ADCY9: variants seen among roughly 807,000 people sequenced by gnomAD.
ADCY9 encodes the protein adenylate cyclase type 9.
A neutral mutation model predicts 101.5 loss-of-function variants in ADCY9; 50 were observed. That is an observed-to-expected ratio of 0.49 (90% CI 0.39 to 0.62). The LOEUF (loss-of-function observed/expected upper bound fraction) is 0.62, where lower values mean the gene tolerates loss of function less well. Among genes scored for constraint, ADCY9 ranks in the 20% least tolerant of loss-of-function variants. The pLI is 0.00. For synonymous variants in ADCY9, 905 were observed against 769.3 expected (o/e 1.18, Z -2.92); for missense variants, 1,662 against 1,800.4 (o/e 0.92, Z 1.39).
Position 3,966,100 on chromosome 16 carries a change from G to C in ADCY9, c.3737C>G (p.Thr1246Arg). 6.2e-7 allele frequency: 1 copy of C among 1,614,250 alleles called. No homozygotes were observed. Among genetic ancestry groups the C allele is most frequent in the South Asian group, 1.1e-5 (1 of 91,090 alleles). The change falls in exon 11 of 11, where the codon ACG becomes AGG. Residue 1246 changes from threonine (T) to arginine (R), a missense_variant. This residue lies in a region of ADCY9 where 168 missense variants were observed against 155.3 expected (regional missense o/e 1.08). Transcript: ENST00000294016. ...GTGCTGTGGGATGACCCTGTGATCC[G>C]TGCACTTTGGGTACAGGTAGGTCTT... ...QMKTYLYPKCTDHRVIPQHQL... is the reference protein window; with the variant it reads ...QMKTYLYPKCRDHRVIPQHQL...
At position 3,989,039 on chromosome 16, in the gene ADCY9, C is replaced by T; in HGVS notation, c.2265G>A (p.Leu755=). 1.2e-6 allele frequency: 2 copies of T among 1,614,120 alleles called. No homozygotes were observed. Among genetic ancestry groups the T allele is most frequent in the Non-Finnish European group, 1.7e-6 (2 of 1,179,990 alleles). ...PPINQFSLNF[L]DQELERSYRT... ...TGTAGGATCGCTCCAGCTCCTGATC[C>T]AGGAAGTTCAGGCTGAACTGATTAA... The change falls in exon 6 of 11, where the codon CTG becomes CTA. Residue 755 remains leucine (L), a synonymous_variant. Transcript: ENST00000294016.
intron 6 of ADCY9, among the ~76,000 whole-genome samples, chr16:3,987,501 G>A (rs1022844188): frequency 6.6e-6 from 1 of 152,206 alleles, no homozygotes; most frequent in Non-Finnish European, 1.5e-5. Context: ...TTGGTAAAAG[G>A]AGGATAATCA....
chr16:4,030,703 CAAA>C (rs374494001), intron 2 of ADCY9, among the ~76,000 whole-genome samples: 1 of 135,060 alleles, frequency 7.4e-6, no homozygotes. Context: ...AACTCGGTCT[CAAA>C]AAAAAAAAAA....
chr16:4,107,706 C>T (rs1276050884), intron 2 of ADCY9, among the ~76,000 whole-genome samples: 1 of 152,052 alleles, frequency 6.6e-6, no homozygotes, highest in Non-Finnish European at 1.5e-5. Context: ...AAGGGGAACA[C>T]CTGAGCATGC....
intron 7 of ADCY9, among the ~76,000 whole-genome samples, chr16:3,980,366 A>G (rs1167876336): frequency 6.6e-6 from 1 of 152,224 alleles, no homozygotes; most frequent in Non-Finnish European, 1.5e-5. Context: ...GCTGAGTCCA[A>G]GGACCCCTGG....
rs545115716 is a variant in ADCY9, at chr16:4,076,894, T to C, written c.1693+36856A>G. Among the ~76,000 whole-genome samples, 66 of 152,090 alleles carry C rather than the reference T, an allele frequency of 4.3e-4. 1 individual carries two copies. Among genetic ancestry groups the C allele is most frequent in the Middle Eastern group, 6.8e-3 (2 of 292 alleles). On this transcript the variant is annotated intron_variant, in intron 2 of 10. Transcript: ENST00000294016. ...GAGTCCGAGACCAGCTTGGCCAACA[T>C]GGTGAAACCCCGTCTCTACTAAAAA...
At position 3,978,814 on chromosome 16, in the gene ADCY9, G is replaced by T. The variant is rs541383332; in HGVS notation, c.2679+302C>A. The stretch of plus-strand genomic sequence containing the variant: ...AGCTCACTGCAACCTCTGCCTCCCA[G>T]GTTCAAGCGATTCTCCTGCCTCAGC... On this transcript the variant is annotated intron_variant, in intron 8 of 10. Coordinates refer to ENST00000294016, the MANE Select transcript of ADCY9 (RefSeq NM_001116.4). 8.5e-5 allele frequency among the ~76,000 whole-genome samples: 13 copies of T among 152,318 alleles called. No individual in the cohort carries two copies. In the East Asian group the frequency reaches 1.7e-3, roughly 20 times the overall value.
intron 2 of ADCY9, among the ~76,000 whole-genome samples, chr16:4,054,342 G>A (rs2056722034): frequency 6.6e-6 from 1 of 151,826 alleles, no homozygotes. Flanking sequence ...TATTTGTGGT[G>A]CACAAAAATA....
At chr16:4,086,397 C>T (rs1019305091) in intron 2 of ADCY9, among the ~76,000 whole-genome samples, 1 of 152,066 alleles carries the variant, frequency 6.6e-6, no homozygotes, top group African/African-American at 2.4e-5. Flanking sequence ...CGCATGTCAG[C>T]CACACATCAC....
chr16:3,976,535 C>T (rs573487019), intron 9 of ADCY9, among the ~76,000 whole-genome samples: 42 of 152,294 alleles, frequency 2.8e-4, no homozygotes, highest in African/African-American at 8.9e-4. Flanking sequence ...ACCAGTGATA[C>T]GGTTCTGAAG....
At chr16:4,110,382 T>A in intron 2 of ADCY9, among the ~76,000 whole-genome samples, 1 of 130,554 alleles carries the variant, frequency 7.7e-6, no homozygotes, top group East Asian at 2.0e-4. Flanking sequence ...CCTACTTTTT[T>A]TTTTTTTTTT....
At chr16:4,064,901 C>T (rs190203694) in intron 2 of ADCY9, among the ~76,000 whole-genome samples, 53 of 152,340 alleles carry the variant, frequency 3.5e-4, no homozygotes, top group African/African-American at 1.2e-3. Flanking sequence ...CACATCATTT[C>T]CCTACAGGCT....
intron 2 of ADCY9, among the ~76,000 whole-genome samples, chr16:4,086,273 G>A (rs946712870): frequency 6.6e-6 from 1 of 152,036 alleles, no homozygotes; most frequent in South Asian, 2.1e-4. Context: ...CCGCCTCTCC[G>A]GTGCCTTCCA....
At chr16:3,956,133 C>T (rs2055905109) in intron 5 of ADCY9, among the ~76,000 whole-genome samples, 1 of 152,068 alleles carries the variant, frequency 6.6e-6, no homozygotes, top group African/African-American at 2.4e-5. Context: ...CTTCTGGGCT[C>T]AAGTGATCTT....
chr16:3,987,265 C>T (rs913228395), intron 6 of ADCY9, among the ~76,000 whole-genome samples: 38 of 152,370 alleles, frequency 2.5e-4, no homozygotes, highest in Non-Finnish European at 4.3e-4. Context: ...CATCAGGCCA[C>T]GTCTTTCCCC....
At chr16:4,070,718 G>A (rs958049758) in intron 2 of ADCY9, among the ~76,000 whole-genome samples, 8 of 152,194 alleles carry the variant, frequency 5.3e-5, no homozygotes, top group African/African-American at 1.9e-4. Flanking sequence ...GGCCGAGGCA[G>A]GAGGACTACT....
chr16:4,056,825 T>C (rs942196603), intron 2 of ADCY9, among the ~76,000 whole-genome samples: 4 of 152,176 alleles, frequency 2.6e-5, no homozygotes, highest in African/African-American at 7.2e-5. Flanking sequence ...TGTGTTTTTA[T>C]TATCTCTGGT....
intron 2 of ADCY9, among the ~76,000 whole-genome samples, chr16:4,105,901 GGCATATAA>G (rs536031634): frequency 3.5e-3 from 534 of 152,196 alleles, no homozygotes; most frequent in Admixed American, 7.1e-3. Context: ...ATTAGAGGAA[GGCATATAA>G]GCTAGGTGCA....
chr16:4,017,964 C>A (rs756726373), intron 2 of ADCY9, among the ~76,000 whole-genome samples: 1 of 152,204 alleles, frequency 6.6e-6, no homozygotes, highest in African/African-American at 2.4e-5. Context: ...CACACCCGCA[C>A]GCCAGACGCT....
Sources: allele counts gnomAD v4.1 joint callset (sites outside exome capture counted in the v4.1 genomes callset), GRCh38; gene constraint gnomAD v4.1.1; regional missense constraint gnomAD v4.1.1; transcripts MANE v1.5; gene names NCBI Gene and HGNC (gene_info 2026-07-23, HGNC 2026-07-21).